Variants in ARL8B observed in about 807,000 individuals in gnomAD.
ARL8B encodes ADP-ribosylation factor-like protein 8B.
A neutral mutation model predicts 30.6 loss-of-function variants in ARL8B; 9 were observed. The observed-to-expected ratio is 0.29, with a 90% CI of 0.18 to 0.51. ARL8B has a LOEUF of 0.51. Ranked by LOEUF, ARL8B falls within the 20% of genes least tolerant of loss-of-function variation. The pLI is 0.97. For synonymous variants in ARL8B, 74 were observed against 76.0 expected (o/e 0.97, Z 0.14); for missense variants, 130 against 227.2 (o/e 0.57, Z 2.75).
intron 1 of ARL8B, chr3:5,128,548 A>G: frequency 2.5e-6 from 1 of 402,492 alleles, no homozygotes. Flanking sequence ...AAGATATTTC[A>G]CAAGTTAATG....
At position 5,150,355 on chromosome 3, in the gene ARL8B, C is replaced by T. The variant is rs140551860; in HGVS notation, c.124-20148C>T. 8.9e-3 allele frequency among the ~76,000 whole-genome samples: 1,340 copies of T among 151,072 alleles called. 16 individuals are homozygous for T. Among genetic ancestry groups the T allele is most frequent in the African/African-American group, 0.031 (1,255 of 40,946 alleles). Reference sequence around the variant, plus strand: ...GCACACGCCTGTAATCCCAGCTACTCAGGAGGCTGAGGTAGGAGAATTGCT... The same window carrying T: ...GCACACGCCTGTAATCCCAGCTACTTAGGAGGCTGAGGTAGGAGAATTGCT... On this transcript the variant is annotated intron_variant, in intron 1 of 6. Transcript: ENST00000256496.
chr3:5,178,734 A>T lies in ARL8B; in HGVS notation c.*21A>T, dbSNP rs1399424924. ...GCTGAAGCATCTCCTGAAGTCTTCCAGTCCTTCTTGGCTATAATCCTAGAA... is the reference window on the plus strand; with the variant it reads ...GCTGAAGCATCTCCTGAAGTCTTCCTGTCCTTCTTGGCTATAATCCTAGAA... On this transcript the variant is annotated 3_prime_UTR_variant, in exon 7 of 7. Transcript: ENST00000256496. 1 of 1,611,728 alleles carries T rather than the reference A, an allele frequency of 6.2e-7. No homozygotes were observed. The highest frequency in any genetic ancestry group is 8.5e-7 in the Non-Finnish European group (1 of 1,179,504).
At chr3:5,158,145 G>A (rs1448989874) in intron 1 of ARL8B, among the ~76,000 whole-genome samples, 6 of 151,908 alleles carry the variant, frequency 3.9e-5, no homozygotes, top group African/African-American at 9.7e-5. Context: ...CACCACTCCC[G>A]GCTCATTTCT....
At chr3:5,175,607 A>G (rs1001781846) in intron 6 of ARL8B, among the ~76,000 whole-genome samples, 26 of 152,248 alleles carry the variant, frequency 1.7e-4, no homozygotes, top group Admixed American at 1.6e-3. Flanking sequence ...AAAGTACCAC[A>G]AACAAGGTGG....
chr3:5,172,595 C>T, intron 3 of ARL8B, 52 bp from the exon 4 acceptor site: 1 of 1,166,508 alleles, frequency 8.6e-7, no homozygotes, highest in Non-Finnish European at 1.3e-6. Flanking sequence ...TACTAGTTGT[C>T]ATCATCAAGG....
chr3:5,150,854 T>G (rs1304235078), intron 1 of ARL8B, among the ~76,000 whole-genome samples: 1 of 152,208 alleles, frequency 6.6e-6, no homozygotes, highest in East Asian at 1.9e-4. Context: ...CGGGATTTCT[T>G]TTTAAGAAGC....
At chr3:5,150,382 G>C (rs2054470854) in intron 1 of ARL8B, among the ~76,000 whole-genome samples, 1 of 151,502 alleles carries the variant, frequency 6.6e-6, no homozygotes, top group African/African-American at 2.4e-5. Context: ...AGAATTGCTT[G>C]AACCCAGGAG....
intron 1 of ARL8B, among the ~76,000 whole-genome samples, chr3:5,139,618 A>G (rs1479170989): frequency 6.6e-6 from 1 of 152,190 alleles, no homozygotes; most frequent in Non-Finnish European, 1.5e-5. Context: ...TTGCAGACCT[A>G]AATGGCCACT....
chr3:5,131,069 C>A (rs1056145435), intron 1 of ARL8B, among the ~76,000 whole-genome samples: 1 of 151,880 alleles, frequency 6.6e-6, no homozygotes, highest in Non-Finnish European at 1.5e-5. Context: ...CCCGCCACCA[C>A]GCCCAGCTAA....
chr3:5,173,491 C>T (rs1339768028), intron 4 of ARL8B, among the ~76,000 whole-genome samples: 1 of 152,172 alleles, frequency 6.6e-6, no homozygotes, highest in East Asian at 1.9e-4. Flanking sequence ...AATCCCAGCA[C>T]TTTGGGAGGC....
intron 1 of ARL8B, among the ~76,000 whole-genome samples, chr3:5,169,614 C>G (rs1559285760): frequency 6.7e-6 from 1 of 148,996 alleles, no homozygotes; most frequent in Non-Finnish European, 1.5e-5. Flanking sequence ...GGTGGTATCT[C>G]TTTGTGGGTT....
At chr3:5,155,777 G>A (rs1241386031) in intron 1 of ARL8B, among the ~76,000 whole-genome samples, 1 of 141,702 alleles carries the variant, frequency 7.1e-6, no homozygotes, top group Non-Finnish European at 1.5e-5. Context: ...CATCTTTTTC[G>A]GTTTTCTACC....
Position 5,167,051 on chromosome 3 carries a change from T to G in ARL8B, c.124-3452T>G, listed in dbSNP as rs1575573127. Among the ~76,000 whole-genome samples the G allele has an allele frequency of 3.3e-5, 5 of 152,348 alleles. No homozygotes were observed. In the East Asian group the frequency reaches 9.6e-4, roughly 29 times the overall value. On this transcript the variant is annotated intron_variant, in intron 1 of 6. Coordinates refer to ENST00000256496, the MANE Select transcript of ARL8B (RefSeq NM_018184.3). ...AAGCTGAATCCCAAGGTCACATGAC[T>G]TGCATCTAGTTAGTAAGTAGCATAA... is the stretch of plus-strand genomic sequence containing the variant.
intron 1 of ARL8B, among the ~76,000 whole-genome samples, chr3:5,139,837 C>T (rs113153157): frequency 3.9e-5 from 6 of 152,316 alleles, no homozygotes; most frequent in African/African-American, 1.4e-4. Flanking sequence ...CTGAATGAGT[C>T]AGTTCAATTC....
At position 5,135,320 on chromosome 3, in the gene ARL8B, A is replaced by G. The variant is rs150231903; in HGVS notation, c.123+12732A>G. Among the ~76,000 whole-genome samples, 789 of 140,332 alleles carry G rather than the reference A, an allele frequency of 5.6e-3. 10 individuals carry two copies. Among genetic ancestry groups the G allele is most frequent in the African/African-American group, 0.021 (738 of 35,166 alleles). 92.1% of individuals were successfully genotyped at this position (140,332 alleles called of 152,430 possible). On this transcript the variant is annotated intron_variant, in intron 1 of 6. Transcript: ENST00000256496. ...ATTTATTTTTTTTTGAGACAGTCTC[A>G]TTCTGTTGCCCAGACTGGAGTGCAG...
At chr3:5,145,232 C>G (rs2054408209) in intron 1 of ARL8B, among the ~76,000 whole-genome samples, 1 of 152,090 alleles carries the variant, frequency 6.6e-6, no homozygotes, top group African/African-American at 2.4e-5. Context: ...TTGTTCTCTC[C>G]TTTGTATAGG....
At chr3:5,146,791 C>G (rs1354503174) in intron 1 of ARL8B, among the ~76,000 whole-genome samples, 3 of 152,158 alleles carry the variant, frequency 2.0e-5, no homozygotes, top group Admixed American at 6.5e-5. Flanking sequence ...ATATTGGAAC[C>G]TGAAATCTCT....
chr3:5,152,898 A>C (rs2054496835), intron 1 of ARL8B, among the ~76,000 whole-genome samples: 1 of 152,240 alleles, frequency 6.6e-6, no homozygotes, highest in African/African-American at 2.4e-5. Flanking sequence ...TAATGTAATT[A>C]TTGATATTTA....
intron 1 of ARL8B, among the ~76,000 whole-genome samples, chr3:5,145,278 G>A (rs990410016): frequency 1.3e-5 from 2 of 152,070 alleles, no homozygotes; most frequent in Non-Finnish European, 2.9e-5. Flanking sequence ...TTGTTGTTAC[G>A]ACCAAATCTT....
Sources: gnomAD v4.1 joint callset for allele counts (sites outside exome capture counted in the v4.1 genomes callset) on GRCh38, gnomAD v4.1.1 for gene constraint, MANE v1.5 for transcripts, NCBI Gene and HGNC (gene_info 2026-07-23, HGNC 2026-07-21) for gene names.